Variants in DLAT observed in about 807,000 individuals in gnomAD.
The protein encoded by DLAT is dihydrolipoyllysine-residue acetyltransferase component of pyruvate dehydrogenase complex, mitochondrial.
A neutral mutation model predicts 68.0 loss-of-function variants in DLAT; 43 were observed. The ratio of observed to expected loss-of-function variants is 0.63; its 90% CI spans 0.50 to 0.81. DLAT has a LOEUF of 0.81. DLAT is among the 40% of genes least tolerant of loss of function. The pLI, the probability that DLAT is intolerant of heterozygous loss-of-function variation, is 0.00. For missense variants in DLAT, 745 were observed against 815.4 expected (o/e 0.91, Z 1.05); for synonymous variants, 265 against 288.6 (o/e 0.92, Z 0.83).
At chr11:112,038,315 C>T (rs950577990) in intron 6 of DLAT, among the ~76,000 whole-genome samples, 11 of 151,980 alleles carry the variant, frequency 7.2e-5, no homozygotes, top group East Asian at 3.9e-4. Context: ...TCTCCTGCCT[C>T]GACCTCCCGA....
At position 112,048,425 on chromosome 11, in the gene DLAT, G is replaced by T. The variant is rs189864891; in HGVS notation, c.1398+2455G>T. On this transcript the variant is annotated intron_variant, in intron 10 of 13. Transcript: ENST00000280346. Reference sequence around the variant, plus strand: ...CATGTCATCTACAAACAGACAATTTGACTTCCTCTTTTTCTATTTGAATAC... The same window carrying T: ...CATGTCATCTACAAACAGACAATTTTACTTCCTCTTTTTCTATTTGAATAC... 1.2e-3 allele frequency among the ~76,000 whole-genome samples: 181 copies of T among 152,262 alleles called. 1 individual carries two copies. The highest frequency in any genetic ancestry group is 4.0e-3 in the African/African-American group (166 of 41,552).
At chr11:112,059,079 TAC>T (rs1481472040) in intron 11 of DLAT, among the ~76,000 whole-genome samples, 1 of 151,804 alleles carries the variant, frequency 6.6e-6, no homozygotes, top group Non-Finnish European at 1.5e-5. Flanking sequence ...TGGGACCCCT[TAC>T]TTTTACGTTC....
At chr11:112,036,215 T>G (rs1431444355) in intron 5 of DLAT, among the ~76,000 whole-genome samples, 211 of 109,180 alleles carry the variant, frequency 1.9e-3, no homozygotes, top group African/African-American at 7.6e-3. Flanking sequence ...TTTTTTTTTT[T>G]TTTTTTTTTT....
chr11:112,042,827 T>C (rs1863113935), intron 7 of DLAT, among the ~76,000 whole-genome samples: 1 of 152,232 alleles, frequency 6.6e-6, no homozygotes, highest in African/African-American at 2.4e-5. Context: ...TTTAGAGCCT[T>C]GGCTACTGTG....
At chr11:112,033,381 A>G (rs376633236) in intron 4 of DLAT, 23 bp from the exon 5 acceptor site, 1 of 1,611,826 alleles carries the variant, frequency 6.2e-7, no homozygotes, top group Admixed American at 1.7e-5. Context: ...GTATTAAGCA[A>G]TAATATGTGT....
chr11:112,043,325 G>A (rs1451687420), intron 7 of DLAT, 141 bp from the exon 8 acceptor site: 4 of 774,000 alleles, frequency 5.2e-6, no homozygotes, highest in South Asian at 1.5e-5. Context: ...AGCACCTTAA[G>A]GGGTAGGGTT....
chr11:112,035,052 A>G (rs1383461692), intron 5 of DLAT, among the ~76,000 whole-genome samples: 1 of 152,194 alleles, frequency 6.6e-6, no homozygotes, highest in Non-Finnish European at 1.5e-5. Flanking sequence ...CTGGGATTAC[A>G]GGCATAAGCC....
intron 6 of DLAT, among the ~76,000 whole-genome samples, chr11:112,038,836 A>G (rs1351327834): frequency 9.2e-5 from 14 of 151,488 alleles, no homozygotes; most frequent in Non-Finnish European, 1.5e-5. Flanking sequence ...ACAGAGCAAG[A>G]CTCTGTCTCA....
At chr11:112,049,995 A>G (rs1863524266) in intron 10 of DLAT, among the ~76,000 whole-genome samples, 1 of 152,198 alleles carries the variant, frequency 6.6e-6, no homozygotes, top group African/African-American at 2.4e-5. Context: ...GTCTTTGGTC[A>G]TTAAATAGTT....
intron 4 of DLAT, chr11:112,029,728 T>G: frequency 2.6e-6 from 1 of 377,648 alleles, no homozygotes; most frequent in South Asian, 2.3e-5. Context: ...GGTCTCTTGA[T>G]CAAATGGGGC....
At chr11:112,032,544 C>A (rs1253927588) in intron 4 of DLAT, 2 of 152,072 alleles carry the variant, frequency 1.3e-5, no homozygotes, top group Non-Finnish European at 2.9e-5. Flanking sequence ...GCGCAGGGGC[C>A]ATGCTAATCT....
chr11:112,030,016 TG>T, intron 4 of DLAT: 4 of 1,029,054 alleles, frequency 3.9e-6, no homozygotes, highest in Non-Finnish European at 4.5e-6. Flanking sequence ...CCATTTGTAC[TG>T]GGACCGCTGT....
chr11:112,026,903 G>A (rs1456432958), intron 2 of DLAT, among the ~76,000 whole-genome samples: 3 of 152,006 alleles, frequency 2.0e-5, no homozygotes, highest in African/African-American at 4.8e-5. Context: ...GGGCAGAGGC[G>A]CCCCTCACCT....
At chr11:112,056,411 A>G (rs1864082382) in intron 11 of DLAT, among the ~76,000 whole-genome samples, 1 of 152,188 alleles carries the variant, frequency 6.6e-6, no homozygotes, top group Non-Finnish European at 1.5e-5. Context: ...TGTATTTTCT[A>G]GACCTTTTAT....
chr11:112,046,629 C>A (rs1289856229), intron 10 of DLAT, among the ~76,000 whole-genome samples: 2 of 151,958 alleles, frequency 1.3e-5, no homozygotes, highest in African/African-American at 4.8e-5. Flanking sequence ...CCCCCACCCC[C>A]CTACAGGTCC....
At chr11:112,050,321 A>AC (rs1352703154) in intron 10 of DLAT, among the ~76,000 whole-genome samples, 3 of 147,238 alleles carry the variant, frequency 2.0e-5, no homozygotes, top group African/African-American at 7.4e-5. Context: ...ATTAGTGTGT[A>AC]CTTTTTTTTT....
chr11:112,045,687 C>G (rs1243404047), intron 9 of DLAT, among the ~76,000 whole-genome samples, 176 bp from the exon 10 acceptor site: 8 of 115,642 alleles, frequency 6.9e-5, no homozygotes, highest in African/African-American at 2.6e-4. Flanking sequence ...GACTCCATCT[C>G]AAAAAAAAAA....
At chr11:112,032,316 ATATAT>A (rs1394362407) in intron 4 of DLAT, among the ~76,000 whole-genome samples, 4 of 151,168 alleles carry the variant, frequency 2.6e-5, no homozygotes, top group Admixed American at 6.6e-5. Context: ...TTCTGTGTAC[ATATAT>A]TATATACAAC....
At chr11:112,029,825 T>C in intron 4 of DLAT, 1 of 582,842 alleles carries the variant, frequency 1.7e-6, no homozygotes, top group Non-Finnish European at 3.4e-6. Context: ...TAATTCAGTC[T>C]TGGTCTGGAC....
Sources: allele counts gnomAD v4.1 joint callset (sites outside exome capture counted in the v4.1 genomes callset), GRCh38; gene constraint gnomAD v4.1.1; transcripts MANE v1.5; gene names NCBI Gene and HGNC (gene_info 2026-07-23, HGNC 2026-07-21).